KDM7A: variants seen among roughly 807,000 people sequenced by gnomAD.
KDM7A encodes lysine demethylase 7A, also known as lysine-specific demethylase 7A.
KDM7A carries 28 observed loss-of-function variants against 114.8 expected under a neutral mutation model. The observed-to-expected ratio is 0.24, with a 90% CI of 0.18 to 0.33. The LOEUF is 0.33. KDM7A is among the 10% of genes least tolerant of loss of function. The probability of loss-of-function intolerance (pLI) is 1.00; values close to 1 mark genes in which losing one functional copy is unlikely to be tolerated. For missense variants in KDM7A, 942 were observed against 1,142.5 expected, an observed-to-expected ratio of 0.82 and a Z score of 2.53; for synonymous variants, 423 against 397.8, an observed-to-expected ratio of 1.06 and a Z score of -0.75.
At chr7:140,152,748 A>G (rs1337738048) in intron 1 of KDM7A, among the ~76,000 whole-genome samples, 2 of 152,218 alleles carry the variant, frequency 1.3e-5, no homozygotes, top group Non-Finnish European at 1.5e-5. Context: ...TTCGAAACAT[A>G]CAAGTCAGGG....
chr7:140,102,176 T>A lies in KDM7A; in HGVS notation c.1429-16A>T. The A allele has an allele frequency of 6.3e-7, 1 of 1,576,200 alleles. No homozygotes were observed. The highest frequency in any genetic ancestry group is 8.7e-7 in the Non-Finnish European group (1 of 1,145,700). On this transcript the variant is annotated splice_polypyrimidine_tract_variant and intron_variant, in intron 11 of 19. Transcript: ENST00000397560. Reference sequence around the variant, plus strand: ...CGTTTTCCTCCTTTAAGAATTAAAATCAGAGTATTTTTATAAGAAGGCTGT... The same window carrying A: ...CGTTTTCCTCCTTTAAGAATTAAAAACAGAGTATTTTTATAAGAAGGCTGT...
chr7:140,107,973 TTTTA>T (rs1222834279), intron 11 of KDM7A, among the ~76,000 whole-genome samples: 2 of 152,056 alleles, frequency 1.3e-5, no homozygotes, highest in South Asian at 4.1e-4. Flanking sequence ...GTTTGTTTCT[TTTTA>T]CTCTTTTTTC....
chr7:140,173,269 T>C (rs1365451324), intron 1 of KDM7A, among the ~76,000 whole-genome samples: 11 of 152,100 alleles, frequency 7.2e-5, no homozygotes, highest in Admixed American at 6.6e-4. Flanking sequence ...AGTTCAATTA[T>C]ACACTGTACC....
chr7:140,132,353 C>T (rs1211448184), intron 3 of KDM7A, among the ~76,000 whole-genome samples: 1 of 151,956 alleles, frequency 6.6e-6, no homozygotes, highest in East Asian at 1.9e-4. Flanking sequence ...AATTATTAGG[C>T]CAGTGTTTTT....
intron 1 of KDM7A, among the ~76,000 whole-genome samples, chr7:140,173,760 G>T (rs907686237): frequency 2.0e-5 from 3 of 152,054 alleles, no homozygotes; most frequent in African/African-American, 7.2e-5. Context: ...TAATATAAAG[G>T]AACATTTTGC....
intron 1 of KDM7A, among the ~76,000 whole-genome samples, chr7:140,157,678 T>C (rs537723903): frequency 2.0e-5 from 3 of 150,590 alleles, no homozygotes; most frequent in South Asian, 2.1e-4. Flanking sequence ...AAAGAAATAA[T>C]TGATACAGGG....
intron 1 of KDM7A, among the ~76,000 whole-genome samples, chr7:140,143,836 A>C (rs1445164787): frequency 6.6e-6 from 1 of 152,222 alleles, no homozygotes; most frequent in Non-Finnish European, 1.5e-5. Flanking sequence ...TTTGCTTTTG[A>C]GTAGAACATA....
chr7:140,128,166 C>T (rs530024980), intron 4 of KDM7A, among the ~76,000 whole-genome samples: 1 of 152,224 alleles, frequency 6.6e-6, no homozygotes, highest in African/African-American at 2.4e-5. Context: ...ACATTAGTAC[C>T]AGTGTCCGAA....
At chr7:140,096,790 A>T (rs375836622) in intron 16 of KDM7A, 27 bp from the exon 17 acceptor site, 13 of 1,602,802 alleles carry the variant, frequency 8.1e-6, no homozygotes, top group Non-Finnish European at 1.1e-5. Context: ...CCAAAAACAC[A>T]AGAGTCTATT....
chr7:140,141,235 T>C (rs142499525), intron 1 of KDM7A, among the ~76,000 whole-genome samples: 155 of 152,318 alleles, frequency 1.0e-3, no homozygotes, highest in Admixed American at 3.1e-3. Flanking sequence ...AAGTGATTTA[T>C]AGATTCAATT....
chr7:140,154,851 T>C (rs899316301), intron 1 of KDM7A, among the ~76,000 whole-genome samples: 1 of 152,202 alleles, frequency 6.6e-6, no homozygotes, highest in Non-Finnish European at 1.5e-5. Flanking sequence ...GAGTTTATTA[T>C]AAATTTGTTT....
At chr7:140,164,650 A>C (rs1034052708) in intron 1 of KDM7A, among the ~76,000 whole-genome samples, 2 of 152,234 alleles carry the variant, frequency 1.3e-5, no homozygotes, top group Non-Finnish European at 2.9e-5. Context: ...AGTAGATATT[A>C]ATGTTATTAA....
intron 1 of KDM7A, among the ~76,000 whole-genome samples, chr7:140,170,612 A>T (rs547854350): frequency 6.6e-6 from 1 of 152,360 alleles, no homozygotes; most frequent in South Asian, 2.1e-4. Context: ...TAATAATAGC[A>T]ATTACTCAAC....
At chr7:140,139,513 G>T (rs1794233320) in intron 1 of KDM7A, among the ~76,000 whole-genome samples, 2 of 151,948 alleles carry the variant, frequency 1.3e-5, no homozygotes, top group Non-Finnish European at 2.9e-5. Flanking sequence ...TGAATCAAAA[G>T]ATAAATCATA....
chr7:140,121,151 A>C (rs1285820087), intron 7 of KDM7A, among the ~76,000 whole-genome samples: 1 of 152,224 alleles, frequency 6.6e-6, no homozygotes, highest in Non-Finnish European at 1.5e-5. Context: ...TAGATTACTC[A>C]CATTTAATTA....
intron 11 of KDM7A, among the ~76,000 whole-genome samples, chr7:140,109,047 C>T (rs189191224): frequency 2.0e-5 from 3 of 152,266 alleles, no homozygotes; most frequent in Non-Finnish European, 2.9e-5. Context: ...ACCAAGGCTC[C>T]GTGGGTGTGG....
intron 1 of KDM7A, among the ~76,000 whole-genome samples, chr7:140,144,442 T>C (rs772111665): frequency 2.3e-4 from 35 of 152,118 alleles, no homozygotes; most frequent in Non-Finnish European, 4.1e-4. Context: ...GATCAGAATA[T>C]GGGTTTTGAG....
Position 140,120,354 on chromosome 7 carries a change from ATAAGC to A in KDM7A, c.1139+83_1139+87del, listed in dbSNP as rs943301230. 5 of 727,672 alleles carry A rather than the reference ATAAGC, an allele frequency of 6.9e-6. No homozygotes were observed. The African/African-American group carries it at 8.9e-5, about 13-fold the overall frequency. 45.1% of individuals were successfully genotyped at this position (727,672 alleles called of 1,614,324 possible). A position where few individuals can be genotyped will look rare whatever the true frequency, so the allele number is the denominator to read the frequency against. ...CTATTTCCATGGAATCTCAAATAAA[ATAAGC>A]TATTGATTTTTTTTAAGTTAAAAAA... On this transcript the variant is annotated intron_variant, in intron 8 of 19. Transcript: ENST00000397560.
intron 18 of KDM7A, among the ~76,000 whole-genome samples, chr7:140,093,290 A>G (rs941718943): frequency 9.9e-5 from 15 of 152,266 alleles, no homozygotes; most frequent in African/African-American, 2.6e-4. Flanking sequence ...AGCTTTATTC[A>G]TAAGAGATTT....
Sources: gnomAD v4.1 joint callset for allele counts (sites outside exome capture counted in the v4.1 genomes callset) on GRCh38, gnomAD v4.1.1 for gene constraint, MANE v1.5 for transcripts, NCBI Gene and HGNC (gene_info 2026-07-23, HGNC 2026-07-21) for gene names.